Variants in NSD1 observed in about 807,000 individuals in gnomAD.
NSD1 encodes histone-lysine N-methyltransferase, H3 lysine-36 specific.
NSD1 carries 26 observed loss-of-function variants against 242.7 expected under a neutral mutation model. The observed-to-expected ratio is 0.11, with a 90% confidence interval of 0.08 to 0.15. NSD1 has a LOEUF of 0.15. NSD1 is among the 10% of genes least tolerant of loss of function. The probability of loss-of-function intolerance (pLI) is 1.00; values close to 1 mark genes in which losing one functional copy is unlikely to be tolerated. For missense variants in NSD1, 2,495 were observed against 3,272.8 expected, an observed-to-expected ratio of 0.76 and a Z score of 5.80; for synonymous variants, 1,106 against 1,178.1, an observed-to-expected ratio of 0.94 and a Z score of 1.25.
intron 2 of NSD1, among the ~76,000 whole-genome samples, chr5:177,182,985 A>G (rs1435996620): frequency 1.3e-5 from 2 of 151,998 alleles, no homozygotes; most frequent in Non-Finnish European, 2.9e-5. Flanking sequence ...TTATATTGCC[A>G]AGTATGGTCC....
chr5:177,248,071 T>C, intron 10 of NSD1, 110 bp from the exon 11 acceptor site: 1 of 1,553,966 alleles, frequency 6.4e-7, no homozygotes, highest in Non-Finnish European at 8.7e-7. Context: ...AGTGATTGGC[T>C]GAACATCTGT....
chr5:177,150,125 A>T (rs535273206), intron 2 of NSD1, among the ~76,000 whole-genome samples: 25 of 150,384 alleles, frequency 1.7e-4, no homozygotes, highest in Non-Finnish European at 1.6e-4. Context: ...TGTATTTTTT[A>T]ATTTTTATTT....
chr5:177,139,797 G>A (rs1340369826), intron 2 of NSD1, among the ~76,000 whole-genome samples: 1 of 151,962 alleles, frequency 6.6e-6, no homozygotes, highest in Non-Finnish European at 1.5e-5. Context: ...TCTACACTCA[G>A]TTGGTTGTGG....
rs147941649 is a variant in NSD1 at position 177,210,786 on chromosome 5, A to C, written c.2387A>C (p.Glu796Ala). Residue 796 changes from glutamate (E) to alanine (A), a missense_variant, in exon 5 of 23, where the codon GAA (glutamate) becomes GCA (alanine). Glu to Ala is a moderately radical substitution (Grantham distance 107). Around this residue, in one of 19 missense-constraint regions of NSD1, gnomAD observed 515 missense variants for 467.0 expected, o/e 1.10. Coordinates refer to ENST00000439151, the MANE Select transcript of NSD1 (RefSeq NM_022455.5). ...KFRSIKCKHKENPVMAEPPVI... is the reference protein window; with the variant it reads ...KFRSIKCKHKANPVMAEPPVI... ...CGAAGTATAAAGTGCAAACACAAAG[A>C]AAATCCAGTTATGGCAGAACCCCCA... 16 of 1,614,122 alleles carry C rather than the reference A, an allele frequency of 9.9e-6. No homozygotes were observed. The African/African-American group carries it at 1.6e-4, about 16-fold the overall frequency.
At chr5:177,214,559 T>C (rs996487425) in intron 5 of NSD1, among the ~76,000 whole-genome samples, 4 of 152,170 alleles carry the variant, frequency 2.6e-5, no homozygotes, top group African/African-American at 7.2e-5. Flanking sequence ...AGACATCTCA[T>C]GTAAGTGGAA....
At position 177,292,664 on chromosome 5, in the gene NSD1, A is replaced by G. The variant is rs551137545; in HGVS notation, c.6463+506A>G. 3.3e-5 allele frequency among the ~76,000 whole-genome samples: 5 copies of G among 152,350 alleles called. No homozygotes were observed. In the East Asian group the frequency reaches 9.6e-4, roughly 29 times the overall value. On this transcript the variant is annotated intron_variant, in intron 22 of 22. Coordinates refer to ENST00000439151, the MANE Select transcript of NSD1 (RefSeq NM_022455.5). Reference sequence around the variant, plus strand: ...TACCTTGCTCCCCTACGCCTAGTGCAGTCTCCCCCCATGCAGAGTAGACTT... The same window carrying G: ...TACCTTGCTCCCCTACGCCTAGTGCGGTCTCCCCCCATGCAGAGTAGACTT...
In NSD1 at chr5:177,209,866, G is replaced by C. The variant is rs151258879; in HGVS notation, c.1467G>C (p.Glu489Asp). The C allele has an allele frequency of 5.6e-6, 9 of 1,614,038 alleles. No homozygotes were observed. The Admixed American group carries it at 1.3e-4, about 24-fold the overall frequency. Reference protein sequence around the residue: ...LAFDSEHSADEKEKPCAKSRA... With the variant: ...LAFDSEHSADDKEKPCAKSRA... ...TTGATTCTGAACATTCTGCAGATGA[G>C]AAGGAAAAGCCTTGCGCTAAATCTC... The change falls in exon 5 of 23, where the codon GAG becomes GAC. Residue 489 changes from glutamate (E) to aspartate (D), a missense_variant. This residue lies in a region of NSD1 where 515 missense variants were observed against 467.0 expected (regional missense o/e 1.10). Transcript: ENST00000439151.
At chr5:177,159,030 G>GATATATATATATATATGAATGAT (rs1758497739) in intron 2 of NSD1, among the ~76,000 whole-genome samples, 1 of 113,868 alleles carries the variant, frequency 8.8e-6, no homozygotes, top group African/African-American at 4.3e-5. Flanking sequence ...ATATATGAAT[G>GATATATATATATATATGAATGAT]ATATATATAT....
rs370783853 is a variant in NSD1, at chr5:177,181,428, T to TG, written c.928-10456_928-10455insG. 2.1e-4 allele frequency among the ~76,000 whole-genome samples: 18 copies of TG among 87,104 alleles called. No individual in the cohort carries two copies. The East Asian group carries it at 3.8e-3, about 19-fold the overall frequency. 57.1% of individuals were successfully genotyped at this position (87,104 alleles called of 152,430 possible). A position where few individuals can be genotyped will look rare whatever the true frequency, so the allele number is the denominator to read the frequency against. On this transcript the variant is annotated intron_variant, in intron 2 of 22. Coordinates refer to ENST00000439151, the MANE Select transcript of NSD1 (RefSeq NM_022455.5). ...AACTTCATTATGGGTTTTTTTTTGG[T>TG]TTTTTTTTTTTTTTTTTGGCAGGTT...
rs758794360 is a variant in NSD1, at chr5:177,294,425, C to T, written c.7057C>T (p.Pro2353Ser). 4.8e-5 allele frequency: 77 copies of T among 1,614,104 alleles called. No homozygotes were observed. The South Asian group carries it at 7.9e-4, about 17-fold the overall frequency. The change falls in exon 23 of 23, where the codon CCT (proline) becomes TCT (serine). Residue 2353 changes from proline to serine, a missense_variant. Physicochemically the swap from Pro to Ser is moderately conservative, Grantham distance 74. Around this residue, in one of 19 missense-constraint regions of NSD1, gnomAD observed 475 missense variants for 563.7 expected, o/e 0.84. Transcript: ENST00000439151. ...PSVRSQPLER[P>S]LGTADPRLDK... ...AGTCAGGTCCCAACCACTGGAAAGACCTCTGGGGACGGCTGACCCAAGGCT... is the reference window on the plus strand; with the variant it reads ...AGTCAGGTCCCAACCACTGGAAAGATCTCTGGGGACGGCTGACCCAAGGCT...
intron 2 of NSD1, among the ~76,000 whole-genome samples, chr5:177,175,717 T>C (rs1178877214): frequency 6.6e-6 from 1 of 152,130 alleles, no homozygotes; most frequent in Non-Finnish European, 1.5e-5. Context: ...TAGTGTCATA[T>C]CATTTAAGCC....
chr5:177,297,103 C>G lies in NSD1; in HGVS notation c.*1644C>G. ...TTTATCTAAAGATTAAAAATAGAAT[C>G]TGCTTTTATTTCCCAAAGTCTGTCT... On this transcript the variant is annotated 3_prime_UTR_variant, in exon 23 of 23. Transcript: ENST00000439151. The G allele has an allele frequency of 4.3e-6, 1 of 233,092 alleles. No homozygotes were observed. Among genetic ancestry groups the G allele is most frequent in the Non-Finnish European group, 8.5e-6 (1 of 117,970 alleles). 14.4% of individuals were successfully genotyped at this position (233,092 alleles called of 1,614,324 possible). A position where few individuals can be genotyped will look rare whatever the true frequency, so the allele number is the denominator to read the frequency against.
At chr5:177,225,235 C>T (rs1011949343) in intron 5 of NSD1, among the ~76,000 whole-genome samples, 2 of 151,438 alleles carry the variant, frequency 1.3e-5, no homozygotes, top group African/African-American at 4.9e-5. Flanking sequence ...CTCTGCCTCC[C>T]GGGTTCAAGT....
chr5:177,202,066 G>A (rs1234283386), intron 3 of NSD1, among the ~76,000 whole-genome samples: 4 of 151,826 alleles, frequency 2.6e-5, no homozygotes, highest in Non-Finnish European at 4.4e-5. Context: ...TACTTGGGAG[G>A]CTGAGGCGGG....
chr5:177,225,420 G>A (rs1175050005), intron 5 of NSD1, among the ~76,000 whole-genome samples: 2 of 152,144 alleles, frequency 1.3e-5, no homozygotes, highest in African/African-American at 4.8e-5. Flanking sequence ...TGGGATTACA[G>A]GTGTGAGCCG....
chr5:177,170,819 A>C (rs1196734931), intron 2 of NSD1, among the ~76,000 whole-genome samples: 1 of 152,018 alleles, frequency 6.6e-6, no homozygotes, highest in Non-Finnish European at 1.5e-5. Flanking sequence ...GTAATTCCTA[A>C]TAGTTCCCTA....
chr5:177,221,709 T>G (rs767844391), intron 5 of NSD1, among the ~76,000 whole-genome samples: 1 of 152,078 alleles, frequency 6.6e-6, no homozygotes, highest in Non-Finnish European at 1.5e-5. Context: ...GACCTTATGA[T>G]CCGTCCATGT....
Position 177,209,696 on chromosome 5 carries a change from G to A in NSD1, c.1297G>A (p.Val433Ile), listed in dbSNP as rs1314495385. The A allele has an allele frequency of 5.6e-6, 9 of 1,613,990 alleles. No individual in the cohort carries two copies. In the South Asian group the frequency reaches 7.7e-5, roughly 14 times the overall value. ...TGTTGGACTTGCAGAACAGTATGATGTTCCCAAGGGGTCAAAGAACCGAAA... is the reference window on the plus strand; with the variant it reads ...TGTTGGACTTGCAGAACAGTATGATATTCCCAAGGGGTCAAAGAACCGAAA... ...ASVGLAEQYD[V>I]PKGSKNRKCI... The change falls in exon 5 of 23, where the codon GTT (valine) becomes ATT (isoleucine). Residue 433 changes from valine to isoleucine, a missense_variant. Around this residue, in one of 19 missense-constraint regions of NSD1, gnomAD observed 515 missense variants for 467.0 expected, o/e 1.10. Coordinates refer to ENST00000439151, the MANE Select transcript of NSD1 (RefSeq NM_022455.5).
chr5:177,246,327 G>A (rs1766291036), intron 9 of NSD1, among the ~76,000 whole-genome samples: 1 of 152,130 alleles, frequency 6.6e-6, no homozygotes, highest in Non-Finnish European at 1.5e-5. Context: ...GAAGTCTAGG[G>A]AGTGGTATCT....
Sources: allele counts gnomAD v4.1 joint callset (sites outside exome capture counted in the v4.1 genomes callset), GRCh38; gene constraint gnomAD v4.1.1; regional missense constraint gnomAD v4.1.1; transcripts MANE v1.5; gene names NCBI Gene and HGNC (gene_info 2026-07-23, HGNC 2026-07-21).